Variants in UBE2E2 observed in about 807,000 individuals in gnomAD.
UBE2E2 encodes ubiquitin conjugating enzyme E2 E2.
UBE2E2 carries 6 observed loss-of-function variants against 24.7 expected under a neutral mutation model. That is an observed-to-expected ratio of 0.24 (90% CI 0.13 to 0.48). UBE2E2 has a LOEUF of 0.48. Among genes scored for constraint, UBE2E2 ranks in the 20% least tolerant of loss-of-function variants. The pLI, the probability that UBE2E2 is intolerant of heterozygous loss-of-function variation, is 0.99. For missense variants in UBE2E2, 169 were observed against 245.0 expected, an observed-to-expected ratio of 0.69 and a Z score of 2.07; for synonymous variants, 104 against 83.6, an observed-to-expected ratio of 1.24 and a Z score of -1.33.
intron 3 of UBE2E2, among the ~76,000 whole-genome samples, chr3:23,284,335 T>C (rs533576631): frequency 1.5e-3 from 226 of 152,238 alleles, no homozygotes; most frequent in African/African-American, 5.1e-3. Context: ...AAAGACTCTT[T>C]TTGGCCTTAT....
At chr3:23,277,594 C>T (rs537782137) in intron 3 of UBE2E2, among the ~76,000 whole-genome samples, 1 of 152,092 alleles carries the variant, frequency 6.6e-6, no homozygotes, top group East Asian at 1.9e-4. Context: ...AAAACGTAAT[C>T]ATGAAAAGTT....
intron 3 of UBE2E2, among the ~76,000 whole-genome samples, chr3:23,262,386 T>A (rs903808755): frequency 1.5e-4 from 23 of 152,018 alleles, no homozygotes; most frequent in African/African-American, 5.3e-4. Context: ...TAAGGAATCA[T>A]CTTGCCTCAG....
At chr3:23,485,546 C>CAAA (rs542775367) in intron 3 of UBE2E2, among the ~76,000 whole-genome samples, 1 of 147,522 alleles carries the variant, frequency 6.8e-6, no homozygotes, top group African/African-American at 2.5e-5. Context: ...CAAAAACAAA[C>CAAA]AAAAAAAAAA....
intron 3 of UBE2E2, among the ~76,000 whole-genome samples, chr3:23,263,479 C>G (rs1194032211): frequency 2.6e-5 from 4 of 152,202 alleles, no homozygotes; most frequent in Non-Finnish European, 4.4e-5. Flanking sequence ...CAGTGATAGG[C>G]TAACAGATTC....
intron 3 of UBE2E2, among the ~76,000 whole-genome samples, chr3:23,378,953 G>A (rs1206672803): frequency 6.6e-6 from 1 of 152,036 alleles, no homozygotes; most frequent in African/African-American, 2.4e-5. Flanking sequence ...TACATTTTTA[G>A]TAGCAGTGAT....
intron 3 of UBE2E2, among the ~76,000 whole-genome samples, chr3:23,301,482 G>A (rs1316272834): frequency 6.6e-6 from 1 of 152,202 alleles, no homozygotes; most frequent in African/African-American, 2.4e-5. Context: ...CTTTCTGTTT[G>A]TTAGTTTTCC....
At chr3:23,302,861 G>A (rs1263169488) in intron 3 of UBE2E2, among the ~76,000 whole-genome samples, 1 of 152,188 alleles carries the variant, frequency 6.6e-6, no homozygotes, top group Non-Finnish European at 1.5e-5. Context: ...GCTGATCCCT[G>A]TTCTAGAGTA....
rs1185346892 is a variant in UBE2E2, at chr3:23,407,759, C to T, written c.228-91849C>T. On this transcript the variant is annotated intron_variant, in intron 3 of 5. Coordinates refer to ENST00000396703, the MANE Select transcript of UBE2E2 (RefSeq NM_152653.4). The surrounding 1 kb of genome is among the most constrained non-coding windows in gnomAD (Gnocchi z 4.0). The stretch of plus-strand genomic sequence containing the variant: ...AAACCTCTGTACATCTCAAATAAAA[C>T]CTAAAACTTTGAGGTCTGTTACCTC... Among the ~76,000 whole-genome samples the T allele has an allele frequency of 6.6e-6, 1 of 150,602 alleles. No individual in the cohort carries two copies. Among genetic ancestry groups the T allele is most frequent in the Non-Finnish European group, 1.5e-5 (1 of 67,644 alleles).
intron 3 of UBE2E2, among the ~76,000 whole-genome samples, chr3:23,469,896 T>G (rs1003936070): frequency 6.6e-6 from 1 of 152,190 alleles, no homozygotes; most frequent in Non-Finnish European, 1.5e-5. Flanking sequence ...TGCATAGAAA[T>G]CTTGAATATG....
chr3:23,367,169 A>C (rs1455251049), intron 3 of UBE2E2, among the ~76,000 whole-genome samples: 1 of 152,218 alleles, frequency 6.6e-6, no homozygotes, highest in Non-Finnish European at 1.5e-5. Context: ...GTTTCATTAT[A>C]AAATGGAATT....
chr3:23,304,853 AGT>A lies in UBE2E2; in HGVS notation c.227+87556_227+87557del, dbSNP rs71051212. On this transcript the variant is annotated intron_variant, in intron 3 of 5. Transcript: ENST00000396703. ...ATACATTTATTCACTTATTCATTGG[AGT>A]GTGTGTGTGTGTGTAACTTCTATTT... Among the ~76,000 whole-genome samples, 590 of 150,838 alleles carry A rather than the reference AGT, an allele frequency of 3.9e-3. 5 individuals carry two copies. Among genetic ancestry groups the A allele is most frequent in the African/African-American group, 0.013 (515 of 41,140 alleles).
intron 3 of UBE2E2, chr3:23,271,256 C>G (rs1184812189): frequency 2.9e-6 from 1 of 339,392 alleles, no homozygotes; most frequent in Non-Finnish European, 5.7e-6. Context: ...GATGGTGTGT[C>G]TAGAGTTTGT....
chr3:23,550,300 GT>G (rs1406010349), intron 5 of UBE2E2, among the ~76,000 whole-genome samples: 1 of 152,070 alleles, frequency 6.6e-6, no homozygotes, highest in African/African-American at 2.4e-5. Context: ...CACCTATAAT[GT>G]ACAAACTGTA....
At chr3:23,363,901 C>T (rs996965471) in intron 3 of UBE2E2, among the ~76,000 whole-genome samples, 9 of 150,968 alleles carry the variant, frequency 6.0e-5, no homozygotes, top group East Asian at 1.9e-4. Context: ...GGCCATAAGA[C>T]GATTCTCAGC....
chr3:23,497,690 TTTTTCTTAA>T (rs1699633856), intron 3 of UBE2E2, among the ~76,000 whole-genome samples: 1 of 152,206 alleles, frequency 6.6e-6, no homozygotes, highest in Non-Finnish European at 1.5e-5. Context: ...ATGACGTTCC[TTTTTCTTAA>T]TTTTTCAATA....
chr3:23,446,872 C>T (rs1355204570), intron 3 of UBE2E2, among the ~76,000 whole-genome samples: 1 of 152,028 alleles, frequency 6.6e-6, no homozygotes, highest in Non-Finnish European at 1.5e-5. Flanking sequence ...CTCACTCTGA[C>T]CAGAAGAGCG....
At chr3:23,224,951 T>G (rs961163720) in intron 3 of UBE2E2, among the ~76,000 whole-genome samples, 2 of 151,970 alleles carry the variant, frequency 1.3e-5, no homozygotes, top group Non-Finnish European at 2.9e-5. Context: ...TGGCAGCACT[T>G]GATGTTGTCC....
intron 3 of UBE2E2, among the ~76,000 whole-genome samples, chr3:23,316,741 C>T (rs1379382833): frequency 2.6e-5 from 4 of 152,042 alleles, no homozygotes; most frequent in African/African-American, 4.8e-5. Context: ...CAGAGTCTCG[C>T]TCAAGGCCCA....
intron 3 of UBE2E2, among the ~76,000 whole-genome samples, chr3:23,478,177 T>G (rs994200350): frequency 9.2e-5 from 14 of 152,216 alleles, no homozygotes; most frequent in African/African-American, 3.1e-4. Context: ...ATAAAAAGTG[T>G]TGTTCTAGTA....
Sources: gnomAD v4.1 joint callset for allele counts (sites outside exome capture counted in the v4.1 genomes callset) on GRCh38, gnomAD v4.1.1 for gene constraint, Gnocchi (gnomAD v3.1) non-coding constraint, MANE v1.5 for transcripts, NCBI Gene and HGNC (gene_info 2026-07-23, HGNC 2026-07-21) for gene names.